Variants in BMERB1 observed in about 807,000 individuals in gnomAD.
BMERB1 encodes bMERB domain-containing protein 1.
In BMERB1, 12 loss-of-function variants were observed where a neutral mutation model predicts 23.6. The observed-to-expected ratio is 0.51, with a 90% CI of 0.33 to 0.82. The LOEUF is 0.82. Among genes scored for constraint, BMERB1 ranks in the 40% least tolerant of loss-of-function variants. The pLI, the probability that BMERB1 is intolerant of heterozygous loss-of-function variation, is 0.03. For synonymous variants in BMERB1, 122 were observed against 96.6 expected (o/e 1.26, Z -1.54); for missense variants, 247 against 255.4 (o/e 0.97, Z 0.22).
At chr16:15,505,754 G>C (rs1235665077) in intron 1 of BMERB1, among the ~76,000 whole-genome samples, 2 of 152,072 alleles carry the variant, frequency 1.3e-5, no homozygotes, top group East Asian at 1.9e-4. Context: ...CTGGTGTGGT[G>C]GTGGGCGCCT....
rs181531064 is a variant in BMERB1 at position 15,582,446 on chromosome 16, A to G, written c.420-710A>G. Among the ~76,000 whole-genome samples, 150 of 152,180 alleles carry G rather than the reference A, an allele frequency of 9.9e-4. 1 individual carries two copies. The highest frequency in any genetic ancestry group is 3.2e-3 in the African/African-American group (133 of 41,528). ...AATACAGAAAACTACAACAAATATT[A>G]TATTCTCCTTACCTCCGGTTCTGCT... is the stretch of plus-strand genomic sequence containing the variant. On this transcript the variant is annotated intron_variant, in intron 4 of 5. Transcript: ENST00000300006.
chr16:15,511,486 C>G (rs1331187887), intron 1 of BMERB1, among the ~76,000 whole-genome samples: 1 of 152,130 alleles, frequency 6.6e-6, no homozygotes, highest in Non-Finnish European at 1.5e-5. Context: ...GTTCAGTGAC[C>G]CCCTCTCCAA....
chr16:15,583,077 T>C, intron 4 of BMERB1, 79 bp from the exon 5 acceptor site: 2 of 1,081,990 alleles, frequency 1.8e-6, no homozygotes, highest in South Asian at 1.2e-5. Context: ...GCTTAACCTA[T>C]TGGTTTATTT....
intron 1 of BMERB1, among the ~76,000 whole-genome samples, chr16:15,514,634 C>A (rs1275180760): frequency 6.6e-6 from 1 of 151,480 alleles, no homozygotes; most frequent in African/African-American, 2.4e-5. Context: ...AAAAATTAGC[C>A]GGGCCTGGTG....
intron 1 of BMERB1, among the ~76,000 whole-genome samples, chr16:15,507,996 G>C (rs745868759): frequency 1.3e-5 from 2 of 152,190 alleles, no homozygotes; most frequent in African/African-American, 4.8e-5. Context: ...TTATGATGAT[G>C]ATGGTACTTA....
intron 2 of BMERB1, among the ~76,000 whole-genome samples, chr16:15,554,274 A>G (rs2030180953): frequency 6.6e-6 from 1 of 152,036 alleles, no homozygotes; most frequent in African/African-American, 2.4e-5. Flanking sequence ...AGTTCCTACC[A>G]CTTACTCTGT....
At position 15,460,360 on chromosome 16, in the gene BMERB1, A is replaced by T. The variant is rs532996070; in HGVS notation, c.106+25601A>T. Among the ~76,000 whole-genome samples the T allele has an allele frequency of 2.0e-5, 3 of 152,222 alleles. No homozygotes were observed. In the South Asian group the frequency reaches 6.2e-4, roughly 32 times the overall value. On this transcript the variant is annotated intron_variant, in intron 1 of 5. Coordinates refer to ENST00000300006, the MANE Select transcript of BMERB1 (RefSeq NM_033201.3). Reference sequence around the variant, plus strand: ...AGGGTCAGAGGAAAAATACAGAGGAAATTCATGGGAGAGAGTATCAGGGTG... The same window carrying T: ...AGGGTCAGAGGAAAAATACAGAGGATATTCATGGGAGAGAGTATCAGGGTG...
Position 15,443,833 on chromosome 16 carries a change from C to T in BMERB1, c.106+9074C>T, listed in dbSNP as rs185835889. Among the ~76,000 whole-genome samples the T allele has an allele frequency of 5.2e-3, 796 of 152,048 alleles. 22 individuals carry two copies. The highest frequency in any genetic ancestry group is 0.048 in the Admixed American group (733 of 15,250). ...ACTCGGGAGCCTGAGACACGAGAAT[C>T]GCTTGCACCCTGGAGGTAGAGGTTG... is the stretch of plus-strand genomic sequence containing the variant. On this transcript the variant is annotated intron_variant, in intron 1 of 5. Transcript: ENST00000300006.
chr16:15,576,527 AG>A (rs1357273569), intron 3 of BMERB1, among the ~76,000 whole-genome samples: 1 of 152,160 alleles, frequency 6.6e-6, no homozygotes, highest in Non-Finnish European at 1.5e-5. Flanking sequence ...AGGACAGTGG[AG>A]TCTCCTGAAG....
rs57021793 is a variant in BMERB1, at chr16:15,512,012, CAAAAAAAAAA to C, written c.107-3276_107-3267del. 1.8e-4 allele frequency among the ~76,000 whole-genome samples: 11 copies of C among 61,128 alleles called. No homozygotes were observed. In the South Asian group the frequency reaches 6.3e-3, roughly 35 times the overall value. The allele number at this position is 61,128 out of a possible 152,430, so 40.1% of individuals were successfully genotyped here. ...TGGGCAACAGAGCAAGACTTGCTCT[CAAAAAAAAAA>C]AAAAAAAAAAAAAAAAGGGGGAATT... On this transcript the variant is annotated intron_variant, in intron 1 of 5. Coordinates refer to ENST00000300006, the MANE Select transcript of BMERB1 (RefSeq NM_033201.3).
intron 2 of BMERB1, among the ~76,000 whole-genome samples, chr16:15,525,865 A>G (rs2051900462): frequency 1.3e-5 from 2 of 152,214 alleles, no homozygotes; most frequent in Admixed American, 1.3e-4. Flanking sequence ...GCAAAGACCT[A>G]GCAAGTTGGA....
rs182922421 is a variant in BMERB1, at chr16:15,479,523, A to G, written c.107-35782A>G. Among the ~76,000 whole-genome samples the G allele has an allele frequency of 1.4e-4, 21 of 152,250 alleles. No individual in the cohort carries two copies. The East Asian group carries it at 4.1e-3, about 29-fold the overall frequency. On this transcript the variant is annotated intron_variant, in intron 1 of 5. Transcript: ENST00000300006. ...AATAAGAATATTCACAATAATCTGA[A>G]AAGGCTATTAAACTACTCCTGCCTT...
intron 3 of BMERB1, among the ~76,000 whole-genome samples, chr16:15,572,739 G>A (rs1214047697): frequency 2.6e-5 from 4 of 152,132 alleles, no homozygotes; most frequent in African/African-American, 9.7e-5. Flanking sequence ...GATATGGTTT[G>A]GCTGTGTTCC....
intron 2 of BMERB1, among the ~76,000 whole-genome samples, chr16:15,517,633 A>G (rs1326913222): frequency 6.6e-6 from 1 of 151,758 alleles, no homozygotes; most frequent in African/African-American, 2.4e-5. Context: ...TACAAATACA[A>G]ATTAAAAATT....
chr16:15,477,830 T>G (rs1485582983), intron 1 of BMERB1, among the ~76,000 whole-genome samples: 1 of 151,780 alleles, frequency 6.6e-6, no homozygotes, highest in African/African-American at 2.4e-5. Context: ...CTGCCACGAG[T>G]GCCCAAAGTC....
At chr16:15,470,642 C>CA (rs1475534453) in intron 1 of BMERB1, among the ~76,000 whole-genome samples, 9 of 151,742 alleles carry the variant, frequency 5.9e-5, no homozygotes, top group Admixed American at 3.3e-4. Context: ...TCCCCTGCCT[C>CA]AGACTCCCAG....
intron 3 of BMERB1, among the ~76,000 whole-genome samples, chr16:15,580,148 G>A (rs1200512951): frequency 1.3e-5 from 2 of 150,750 alleles, no homozygotes; most frequent in Non-Finnish European, 1.5e-5. Flanking sequence ...CCAGGCTGGA[G>A]TGCAATGGTG....
chr16:15,554,804 C>T (rs1330357489), intron 2 of BMERB1, among the ~76,000 whole-genome samples: 1 of 151,832 alleles, frequency 6.6e-6, no homozygotes, highest in Non-Finnish European at 1.5e-5. Flanking sequence ...GTAGCTGGGA[C>T]TACAGGTGCC....
chr16:15,501,136 T>A (rs2051525199), intron 1 of BMERB1, among the ~76,000 whole-genome samples: 1 of 152,068 alleles, frequency 6.6e-6, no homozygotes, highest in Non-Finnish European at 1.5e-5. Flanking sequence ...CGCCCATTTC[T>A]TTTTATCTTT....
Sources: gnomAD v4.1 joint callset for allele counts (sites outside exome capture counted in the v4.1 genomes callset) on GRCh38, gnomAD v4.1.1 for gene constraint, MANE v1.5 for transcripts, NCBI Gene and HGNC (gene_info 2026-07-23, HGNC 2026-07-21) for gene names.